Variants in GRXCR2 observed in about 807,000 individuals in gnomAD.
The protein encoded by GRXCR2 is glutaredoxin domain-containing cysteine-rich protein 2.
A neutral mutation model predicts 24.8 loss-of-function variants in GRXCR2; 23 were observed. That is an observed-to-expected ratio of 0.93 (90% CI 0.67 to 1.32). The LOEUF is 1.32. Among genes scored for constraint, GRXCR2 ranks in the 40% most tolerant of loss-of-function variants. GRXCR2 has a pLI of 0.00. For missense variants in GRXCR2, 315 were observed against 303.4 expected, an observed-to-expected ratio of 1.04 and a Z score of -0.28; for synonymous variants, 130 against 116.1, an observed-to-expected ratio of 1.12 and a Z score of -0.77.
chr5:145,857,897 A>G (rs1208853509), downstream of GRXCR2, among the ~76,000 whole-genome samples: 1 of 152,110 alleles, frequency 6.6e-6, no homozygotes, highest in South Asian at 2.1e-4. Context: ...CTCTAAAACT[A>G]AGTTCCATGA....
intron 2 of GRXCR2, among the ~76,000 whole-genome samples, chr5:145,920,819 G>A (rs1355948425): frequency 6.6e-6 from 1 of 152,222 alleles, no homozygotes; most frequent in Non-Finnish European, 1.5e-5. Flanking sequence ...AGGAGGCAGG[G>A]CCTTTGGGAA....
intron 2 of GRXCR2, among the ~76,000 whole-genome samples, chr5:145,892,982 A>G (rs925647652): frequency 1.3e-5 from 2 of 152,236 alleles, no homozygotes; most frequent in Non-Finnish European, 1.5e-5. Flanking sequence ...AATATTCAAC[A>G]TTCTTAAAGA....
intron 2 of GRXCR2, among the ~76,000 whole-genome samples, chr5:145,915,108 C>T (rs756815084): frequency 5.3e-5 from 8 of 152,068 alleles, no homozygotes; most frequent in Non-Finnish European, 1.0e-4. Context: ...ATCTGCTGTC[C>T]CACAGGCTCC....
At chr5:145,883,574 C>CA (rs1193010692) in intron 2 of GRXCR2, among the ~76,000 whole-genome samples, 1 of 151,986 alleles carries the variant, frequency 6.6e-6, no homozygotes, top group Non-Finnish European at 1.5e-5. Context: ...TACCCAGCTG[C>CA]AAAAAAATTC....
intron 2 of GRXCR2, among the ~76,000 whole-genome samples, chr5:145,929,344 A>G (rs1757449401): frequency 6.6e-6 from 1 of 151,726 alleles, no homozygotes; most frequent in Non-Finnish European, 1.5e-5. Flanking sequence ...ATAAATTTAT[A>G]GAAGTGGTAT....
At chr5:145,883,156 G>T (rs771156727) in intron 2 of GRXCR2, among the ~76,000 whole-genome samples, 1 of 151,522 alleles carries the variant, frequency 6.6e-6, no homozygotes, top group Non-Finnish European at 1.5e-5. Flanking sequence ...TTGTCCCCTA[G>T]AACTTAAAGT....
intron 2 of GRXCR2, among the ~76,000 whole-genome samples, chr5:145,891,251 A>G (rs978043791): frequency 6.6e-6 from 1 of 152,156 alleles, no homozygotes; most frequent in Non-Finnish European, 1.5e-5. Flanking sequence ...CTGAGGTACC[A>G]GGTTCAACTC....
At chr5:145,898,762 G>A (rs1220133734) in intron 2 of GRXCR2, among the ~76,000 whole-genome samples, 1 of 151,854 alleles carries the variant, frequency 6.6e-6, no homozygotes, top group Non-Finnish European at 1.5e-5. Flanking sequence ...GGCATCATAG[G>A]AACATACCTC....
At chr5:145,905,791 C>T (rs1383406457) in intron 2 of GRXCR2, among the ~76,000 whole-genome samples, 2 of 152,076 alleles carry the variant, frequency 1.3e-5, no homozygotes, top group Admixed American at 1.3e-4. Context: ...ACTAAATGAA[C>T]AAAGGCTGGG....
At chr5:145,902,593 G>T (rs1169048328) in intron 2 of GRXCR2, among the ~76,000 whole-genome samples, 3 of 152,178 alleles carry the variant, frequency 2.0e-5, no homozygotes, top group African/African-American at 4.8e-5. Context: ...AACCAGAGGG[G>T]GTAGATGTGT....
chr5:145,927,237 T>C (rs1938312496), intron 2 of GRXCR2, among the ~76,000 whole-genome samples: 1 of 152,202 alleles, frequency 6.6e-6, no homozygotes, highest in Non-Finnish European at 1.5e-5. Flanking sequence ...TCCTGCCTAA[T>C]TGCCCTGGCG....
At chr5:145,881,262 A>G (rs60632440) in intron 2 of GRXCR2, among the ~76,000 whole-genome samples, 2,085 of 152,334 alleles carry the variant, frequency 0.014, 60 homozygotes, top group African/African-American at 0.047. Flanking sequence ...AGATGATGTG[A>G]TTGTATATTT....
intron 2 of GRXCR2, among the ~76,000 whole-genome samples, chr5:145,863,642 C>T (rs1191094353): frequency 2.0e-5 from 3 of 152,134 alleles, no homozygotes; most frequent in Non-Finnish European, 4.4e-5. Flanking sequence ...CGGTCATCTG[C>T]CTGCTGCCAG....
chr5:145,873,530 A>G (rs1250727295), upstream of GRXCR2, among the ~76,000 whole-genome samples: 1 of 152,220 alleles, frequency 6.6e-6, no homozygotes, highest in Non-Finnish European at 1.5e-5. Flanking sequence ...ATTACACCTA[A>G]GTAAGTGACA....
intron 2 of GRXCR2, among the ~76,000 whole-genome samples, chr5:145,929,247 C>G (rs1423430905): frequency 7.6e-6 from 1 of 131,292 alleles, no homozygotes; most frequent in Non-Finnish European, 1.6e-5. Flanking sequence ...ACCCACTCCC[C>G]TATTTTTGGA....
At chr5:145,884,638 AT>A (rs1756753381) in intron 2 of GRXCR2, among the ~76,000 whole-genome samples, 1 of 152,060 alleles carries the variant, frequency 6.6e-6, no homozygotes, top group Admixed American at 6.5e-5. Context: ...GAAAAAAAAA[AT>A]GTTCACAATG....
intron 2 of GRXCR2, among the ~76,000 whole-genome samples, chr5:145,911,123 G>A (rs761582390): frequency 1.3e-5 from 2 of 152,094 alleles, no homozygotes; most frequent in East Asian, 1.9e-4. Context: ...GGTGTACAGC[G>A]TGATGATTTG....
chr5:145,876,281 C>CTT (rs533734278), upstream of GRXCR2, among the ~76,000 whole-genome samples: 11 of 127,876 alleles, frequency 8.6e-5, no homozygotes, highest in South Asian at 2.6e-4. Context: ...TATTATTTTC[C>CTT]TTTTTTTTTT....
intron 2 of GRXCR2, among the ~76,000 whole-genome samples, chr5:145,919,750 A>G (rs1182743956): frequency 6.6e-6 from 1 of 152,036 alleles, no homozygotes; most frequent in African/African-American, 2.4e-5. Flanking sequence ...TGATTTCCTC[A>G]GGGGGAAGAT....
Sources: allele counts gnomAD v4.1 joint callset (sites outside exome capture counted in the v4.1 genomes callset), GRCh38; gene constraint gnomAD v4.1.1; transcripts MANE v1.5; gene names NCBI Gene and HGNC (gene_info 2026-07-23, HGNC 2026-07-21).